The following AFF3 variants were observed in gnomAD, a reference collection of about 807,000 sequenced individuals.
AFF3 encodes the protein AF4/FMR2 family member 3.
Under a neutral mutation model 129.7 loss-of-function variants are expected in AFF3, and 32 were observed. The observed-to-expected ratio is 0.25, with a 90% CI of 0.19 to 0.33. AFF3 has a LOEUF of 0.33. Among genes scored for constraint, AFF3 ranks in the 10% least tolerant of loss-of-function variants. The probability of loss-of-function intolerance (pLI) is 1.00; values close to 1 mark genes in which losing one functional copy is unlikely to be tolerated. For synonymous variants in AFF3, 644 were observed against 635.4 expected (o/e 1.01, Z -0.20); for missense variants, 1,373 against 1,592.0 (o/e 0.86, Z 2.34).
chr2:99,652,305 T>C (rs1198800612), intron 12 of AFF3, among the ~76,000 whole-genome samples: 1 of 152,096 alleles, frequency 6.6e-6, no homozygotes, highest in Non-Finnish European at 1.5e-5. Context: ...CCTGGGTGTC[T>C]GGAATTGATG....
intron 12 of AFF3, among the ~76,000 whole-genome samples, chr2:99,653,852 C>A (rs1327324271): frequency 5.3e-5 from 8 of 150,800 alleles, no homozygotes; most frequent in Admixed American, 4.0e-4. Flanking sequence ...GTACTTAGCA[C>A]CATCAATTGC....
intron 13 of AFF3, among the ~76,000 whole-genome samples, chr2:99,639,958 C>T (rs1482399130): frequency 1.3e-5 from 2 of 152,090 alleles, no homozygotes; most frequent in African/African-American, 4.8e-5. Context: ...GCTGGGATTA[C>T]AGGCGTTAGC....
chr2:99,615,561 C>A (rs549797738), intron 13 of AFF3, among the ~76,000 whole-genome samples: 20 of 152,348 alleles, frequency 1.3e-4, no homozygotes, highest in African/African-American at 4.8e-4. Flanking sequence ...CTGGGCCCAG[C>A]CATGAGAAAG....
intron 11 of AFF3, among the ~76,000 whole-genome samples, chr2:99,690,024 T>C (rs1361379317): frequency 6.8e-6 from 1 of 146,750 alleles, no homozygotes; most frequent in Non-Finnish European, 1.5e-5. Context: ...GAGGTGGAGG[T>C]TGCAGTGAGC....
At chr2:99,743,319 T>C (rs1159970120) in intron 10 of AFF3, among the ~76,000 whole-genome samples, 1 of 152,212 alleles carries the variant, frequency 6.6e-6, no homozygotes, top group East Asian at 1.9e-4. Flanking sequence ...TGCCCAGTGG[T>C]TGAGCCTCAG....
At chr2:99,807,440 T>C (rs142548192) in intron 8 of AFF3, among the ~76,000 whole-genome samples, 34 of 152,296 alleles carry the variant, frequency 2.2e-4, no homozygotes, top group East Asian at 1.9e-3. Context: ...CATCCCCTAA[T>C]TGACCATTTG....
At chr2:100,118,843 G>A (rs1278059227) in intron 2 of AFF3, among the ~76,000 whole-genome samples, 1 of 147,798 alleles carries the variant, frequency 6.8e-6, no homozygotes, top group Non-Finnish European at 1.5e-5. Flanking sequence ...ACAGAGTCTC[G>A]CTCTGTCGCC....
chr2:100,020,378 T>C (rs1683488895), intron 4 of AFF3, among the ~76,000 whole-genome samples: 1 of 152,092 alleles, frequency 6.6e-6, no homozygotes, highest in African/African-American at 2.4e-5. Flanking sequence ...TTATGGGAGA[T>C]GTCATTCATT....
At chr2:99,815,250 C>A (rs1400410161) in intron 8 of AFF3, among the ~76,000 whole-genome samples, 1 of 152,118 alleles carries the variant, frequency 6.6e-6, no homozygotes, top group Non-Finnish European at 1.5e-5. Flanking sequence ...TTTATTATAG[C>A]AAAATATAAC....
rs1464878774 is a variant in AFF3, at chr2:99,737,938, C to T, written c.1039+6166G>A. 2.0e-5 allele frequency among the ~76,000 whole-genome samples: 3 copies of T among 149,466 alleles called. No homozygotes were observed. The East Asian group carries it at 5.9e-4, about 29-fold the overall frequency. On this transcript the variant is annotated intron_variant, in intron 10 of 24. Transcript: ENST00000672756. The stretch of plus-strand genomic sequence containing the variant: ...ATGTCTAATGTGCTGTTACATCTGC[C>T]CATGGAAATTCTAATTCCTATTATA...
intron 7 of AFF3, among the ~76,000 whole-genome samples, chr2:99,864,560 C>T (rs1215012668): frequency 6.6e-6 from 1 of 152,184 alleles, no homozygotes; most frequent in African/African-American, 2.4e-5. Flanking sequence ...CATGAAAAGG[C>T]CTCATGACCA....
intron 7 of AFF3, among the ~76,000 whole-genome samples, chr2:99,864,709 C>T (rs552408916): frequency 1.3e-4 from 20 of 152,324 alleles, no homozygotes; most frequent in African/African-American, 4.8e-4. Flanking sequence ...TAGCCAATGC[C>T]AGGGAACACT....
chr2:100,118,655 A>G (rs1002810217), intron 2 of AFF3, among the ~76,000 whole-genome samples: 12 of 152,166 alleles, frequency 7.9e-5, no homozygotes, highest in African/African-American at 2.4e-5. Flanking sequence ...TATTTCAGGA[A>G]GGAACTCTTA....
rs60106625 is a variant in AFF3 at position 99,733,378 on chromosome 2, CA to C, written c.1040-6251del. 6.5e-3 allele frequency among the ~76,000 whole-genome samples: 869 copies of C among 134,516 alleles called. 5 individuals are homozygous for C. Among genetic ancestry groups the C allele is most frequent in the East Asian group, 0.019 (92 of 4,736 alleles). 88.2% of individuals were successfully genotyped at this position (134,516 alleles called of 152,430 possible). On this transcript the variant is annotated intron_variant, in intron 10 of 24. Coordinates refer to ENST00000672756, the MANE Select transcript of AFF3 (RefSeq NM_001386135.1). ...CTGGGCGACAGAGCGAGACTCCGTC[CA>C]AAAAAAAAAAAAACCAAAACAACAA...
At chr2:99,598,308 G>A (rs747836332) in intron 14 of AFF3, among the ~76,000 whole-genome samples, 18 of 152,118 alleles carry the variant, frequency 1.2e-4, no homozygotes, top group Admixed American at 3.3e-4. Context: ...GGGTCAACAT[G>A]TTAGCTGAGT....
intron 2 of AFF3, among the ~76,000 whole-genome samples, chr2:100,119,092 A>G (rs962304134): frequency 6.6e-6 from 1 of 152,170 alleles, no homozygotes. Context: ...GTGAGCCACC[A>G]CACCTAGCCC....
intron 4 of AFF3, among the ~76,000 whole-genome samples, chr2:100,043,762 A>G (rs547398871): frequency 5.9e-5 from 9 of 152,184 alleles, no homozygotes; most frequent in Non-Finnish European, 1.3e-4. Flanking sequence ...ATGTGCATCC[A>G]TTTTCACAAA....
At chr2:99,892,672 TG>T (rs1054592794) in intron 7 of AFF3, among the ~76,000 whole-genome samples, 3 of 152,172 alleles carry the variant, frequency 2.0e-5, no homozygotes, top group African/African-American at 7.2e-5. Context: ...CAGCAACACC[TG>T]CCCTGGACGG....
At position 99,988,181 on chromosome 2, in the gene AFF3, G is replaced by A. The variant is rs533176113; in HGVS notation, c.873+18451C>T. Among the ~76,000 whole-genome samples, 20 of 152,276 alleles carry A rather than the reference G, an allele frequency of 1.3e-4. No individual in the cohort carries two copies. In the South Asian group the frequency reaches 2.3e-3, roughly 17 times the overall value. On this transcript the variant is annotated intron_variant, in intron 7 of 24. Transcript: ENST00000672756. Reference sequence around the variant, plus strand: ...CAGAGAAGCCAGGGAGTGAAGGCAGGGGGAGAAGTGCTATGAAGGAACATA... The same window carrying A: ...CAGAGAAGCCAGGGAGTGAAGGCAGAGGGAGAAGTGCTATGAAGGAACATA...
Sources: allele counts gnomAD v4.1 joint callset (sites outside exome capture counted in the v4.1 genomes callset), GRCh38; gene constraint gnomAD v4.1.1; transcripts MANE v1.5; gene names NCBI Gene and HGNC (gene_info 2026-07-23, HGNC 2026-07-21).